MYT1L: variants seen among roughly 807,000 people sequenced by gnomAD.
The protein encoded by MYT1L is myelin transcription factor 1 like.
A neutral mutation model predicts 126.7 loss-of-function variants in MYT1L; 12 were observed. That is an observed-to-expected ratio of 0.09 (90% CI 0.06 to 0.15). The LOEUF is 0.15. Among genes scored for constraint, MYT1L ranks in the 10% least tolerant of loss-of-function variants. MYT1L has a pLI of 1.00. For synonymous variants in MYT1L, 541 were observed against 604.2 expected, an observed-to-expected ratio of 0.90 and a Z score of 1.53; for missense variants, 979 against 1,585.2, an observed-to-expected ratio of 0.62 and a Z score of 6.49.
intron 2 of MYT1L, among the ~76,000 whole-genome samples, chr2:2,232,376 C>A (rs1449052977): frequency 6.6e-6 from 1 of 152,218 alleles, no homozygotes; most frequent in Non-Finnish European, 1.5e-5. Flanking sequence ...GGCAGGTTCT[C>A]CTGGGGCAGC....
At chr2:1,915,815 C>T (rs2052739854) in intron 11 of MYT1L, among the ~76,000 whole-genome samples, 1 of 152,178 alleles carries the variant, frequency 6.6e-6, no homozygotes, top group African/African-American at 2.4e-5. Context: ...GGCATATCCT[C>T]AATTTGCCAG....
chr2:2,211,827 C>CAA (rs998527515), intron 2 of MYT1L, among the ~76,000 whole-genome samples: 1 of 135,802 alleles, frequency 7.4e-6, no homozygotes, highest in African/African-American at 2.7e-5. Context: ...AAAAACCAAA[C>CAA]AAAAAAAAAA....
At chr2:1,885,983 G>A (rs1477126927) in intron 18 of MYT1L, among the ~76,000 whole-genome samples, 1 of 152,204 alleles carries the variant, frequency 6.6e-6, no homozygotes, top group African/African-American at 2.4e-5. Context: ...GCATAGAGAA[G>A]AGGGAGGTAA....
intron 2 of MYT1L, among the ~76,000 whole-genome samples, chr2:2,283,726 TAC>T (rs1346453244): frequency 6.6e-6 from 1 of 152,184 alleles, no homozygotes; most frequent in Non-Finnish European, 1.5e-5. Context: ...GCTGAAAATT[TAC>T]ACAGTTATGT....
At chr2:1,828,731 A>G (rs1392040857) in intron 21 of MYT1L, 1 of 152,244 alleles carries the variant, frequency 6.6e-6, no homozygotes, top group Non-Finnish European at 1.5e-5. Flanking sequence ...AGATATATCA[A>G]GCAAGACAAA....
intron 4 of MYT1L, among the ~76,000 whole-genome samples, chr2:2,047,725 T>C (rs1156823986): frequency 6.6e-6 from 1 of 152,238 alleles, no homozygotes; most frequent in African/African-American, 2.4e-5. Context: ...TGGAAGATGC[T>C]GCTAGTTATT....
At chr2:2,292,247 G>A (rs902407842) in intron 1 of MYT1L, among the ~76,000 whole-genome samples, 1 of 152,176 alleles carries the variant, frequency 6.6e-6, no homozygotes, top group Non-Finnish European at 1.5e-5. Flanking sequence ...ACTGAAGGCT[G>A]CCCTGCTCAG....
intron 8 of MYT1L, chr2:1,974,723 A>C (rs2149464842): frequency 6.6e-6 from 1 of 152,248 alleles, no homozygotes; most frequent in Non-Finnish European, 1.5e-5. Flanking sequence ...AGATCCTGGA[A>C]CTCTGTCCTT....
At chr2:2,312,602 G>GA (rs1303517155) in intron 1 of MYT1L, among the ~76,000 whole-genome samples, 3 of 151,586 alleles carry the variant, frequency 2.0e-5, no homozygotes, top group African/African-American at 4.8e-5. Context: ...GACAGAGTGA[G>GA]AAAAAAAAGA....
chr2:1,967,309 C>T (rs773697560), intron 8 of MYT1L, among the ~76,000 whole-genome samples: 1 of 152,190 alleles, frequency 6.6e-6, no homozygotes. Flanking sequence ...GCCCTCTTCC[C>T]TATGAGCCCT....
At chr2:2,254,196 C>T (rs913593500) in intron 2 of MYT1L, among the ~76,000 whole-genome samples, 1 of 152,124 alleles carries the variant, frequency 6.6e-6, no homozygotes, top group Non-Finnish European at 1.5e-5. Context: ...ATATATTTGT[C>T]CAATGCACAT....
At chr2:1,930,090 C>A (rs2054752102) in intron 9 of MYT1L, among the ~76,000 whole-genome samples, 2 of 152,212 alleles carry the variant, frequency 1.3e-5, no homozygotes, top group South Asian at 4.1e-4. Context: ...AAGGCAGCTC[C>A]ACTCAAGAAG....
At chr2:1,951,444 C>G (rs1450375214) in intron 8 of MYT1L, among the ~76,000 whole-genome samples, 1 of 152,066 alleles carries the variant, frequency 6.6e-6, no homozygotes, top group Non-Finnish European at 1.5e-5. Flanking sequence ...CCACAGGAAA[C>G]AGAGAACATG....
chr2:1,874,269 T>G (rs2046614731), intron 18 of MYT1L, among the ~76,000 whole-genome samples: 1 of 152,084 alleles, frequency 6.6e-6, no homozygotes, highest in South Asian at 2.1e-4. Context: ...AAGTCATTTC[T>G]CCACAAGAAG....
chr2:1,913,756 C>T (rs1192183577), intron 11 of MYT1L, among the ~76,000 whole-genome samples: 8 of 152,108 alleles, frequency 5.3e-5, no homozygotes, highest in African/African-American at 1.7e-4. Flanking sequence ...GTGCACTTTA[C>T]GCCTCTCTCC....
intron 5 of MYT1L, among the ~76,000 whole-genome samples, chr2:1,990,079 A>G (rs1278019460): frequency 1.3e-5 from 2 of 152,266 alleles, no homozygotes; most frequent in East Asian, 3.8e-4. Flanking sequence ...TCACACAAGT[A>G]TAGTATGAAA....
chr2:2,054,253 CACAG>C (rs1200244200), intron 3 of MYT1L, 130 bp from the exon 4 acceptor site: 1 of 152,546 alleles, frequency 6.6e-6, no homozygotes, highest in Admixed American at 6.5e-5. Context: ...ACGCTGGGTG[CACAG>C]ACACATGGAG....
chr2:1,854,697 G>A (rs1313180319), intron 18 of MYT1L, among the ~76,000 whole-genome samples: 3 of 152,148 alleles, frequency 2.0e-5, no homozygotes, highest in African/African-American at 7.2e-5. Context: ...TCATTTCCAG[G>A]ATTTCGAGTT....
chr2:2,084,237 G>C (rs537145811), intron 3 of MYT1L, among the ~76,000 whole-genome samples: 2 of 152,210 alleles, frequency 1.3e-5, no homozygotes, highest in Admixed American at 6.5e-5. Context: ...ACTCATTTTA[G>C]TATAGACTGA....
Sources: gnomAD v4.1 joint callset for allele counts (sites outside exome capture counted in the v4.1 genomes callset) on GRCh38, gnomAD v4.1.1 for gene constraint, MANE v1.5 for transcripts, NCBI Gene and HGNC (gene_info 2026-07-23, HGNC 2026-07-21) for gene names.